The following SBSN variants were observed in gnomAD, a reference collection of about 807,000 sequenced individuals.
The protein encoded by SBSN is suprabasin.
Under a neutral mutation model 42.8 loss-of-function variants are expected in SBSN, and 33 were observed. The observed-to-expected ratio is 0.77, with a 90% CI of 0.58 to 1.03. The LOEUF (loss-of-function observed/expected upper bound fraction) is 1.03. Among genes scored for constraint, SBSN ranks in the 50% least tolerant of loss-of-function variants. The pLI is 0.00. For missense variants in SBSN, 646 were observed against 757.3 expected (o/e 0.85, Z 1.72); for synonymous variants, 276 against 307.0 (o/e 0.90, Z 1.06).
At chr19:35,525,661 C>T (rs192771500) in intron 1 of SBSN, among the ~76,000 whole-genome samples, 332 of 152,156 alleles carry the variant, frequency 2.2e-3, no homozygotes, top group Non-Finnish European at 3.5e-3. Flanking sequence ...CCTCCAGTCT[C>T]TGTTCCCTCT....
Position 35,523,513 on chromosome 19 carries a change from G to A in SBSN, c.1770C>T (p.Pro590=), listed in dbSNP as rs1418993552. Residue 590 remains proline (P), a synonymous_variant, in exon 4 of 4, where the codon CCC becomes CCT. Transcript: ENST00000452271. ...CCCAGCAAGGCCGGATGCCAGTTTA[G>A]GGCATGATGTTGGCGACGCTCTGGA... is the stretch of plus-strand genomic sequence containing the variant. ...ALWRSVANIM[P] is the part of the protein sequence containing the mutation. 3 of 1,614,088 alleles carry A rather than the reference G, an allele frequency of 1.9e-6. No individual in the cohort carries two copies. In the Admixed American group the frequency reaches 5.0e-5, roughly 27 times the overall value.
At position 35,528,177 on chromosome 19, in the gene SBSN, C is replaced by G. The variant is rs763966574; in HGVS notation, c.105G>C (p.Gly35=). 1 of 1,614,100 alleles carries G rather than the reference C, an allele frequency of 6.2e-7. No individual in the cohort carries two copies. Among genetic ancestry groups the G allele is most frequent in the Non-Finnish European group, 8.5e-7 (1 of 1,180,014 alleles). The change falls in exon 1 of 4, where the codon GGG becomes GGC. Residue 35 remains glycine, a synonymous_variant. Transcript: ENST00000452271. The part of the protein sequence containing the change: ...SDDPIEKVIE[G]INRGLSNAER... Reference sequence around the variant, plus strand: ...CTGCATTGCTCAGCCCTCGGTTGATCCCTTCAATGACCTTCTCAATGGGGT... The same window carrying G: ...CTGCATTGCTCAGCCCTCGGTTGATGCCTTCAATGACCTTCTCAATGGGGT...
rs1375896409 is a variant in SBSN at position 35,528,225 on chromosome 19, C to A, written c.57G>T (p.Leu19=). 6.2e-7 allele frequency: 1 copy of A among 1,613,906 alleles called. No homozygotes were observed. The highest frequency in any genetic ancestry group is 2.2e-5 in the East Asian group (1 of 44,864). Residue 19 remains leucine, a synonymous_variant, in exon 1 of 4, where the codon CTG becomes CTT. Transcript: ENST00000452271. ...SCSLLLLLGA[L]SGWAASDDPI... The stretch of plus-strand genomic sequence containing the variant: ...GGTCATCGCTGGCCGCCCATCCAGA[C>A]AGGGCCCCCAGTAGCAGAAGGAGGG...
At position 35,527,023 on chromosome 19, in the gene SBSN, C is replaced by T. The variant is rs1287805916; in HGVS notation, c.1259G>A (p.Gly420Glu). ...HGVSQAGREA[G>E]QFGHDIHHTA... is the part of the protein sequence containing the mutation. ...GTGGTGAATGTCGTGGCCAAACTGC[C>T]CCGCCTCCCTTCCAGCCTGACTAAC... Residue 420 changes from glycine (G) to glutamate (E), a missense_variant, in exon 1 of 4, where the codon GGG becomes GAG. Physicochemically the swap from Gly to Glu is moderately conservative, Grantham distance 98 (BLOSUM62 -2). Transcript: ENST00000452271. 6.5e-6 allele frequency: 10 copies of T among 1,543,232 alleles called. No individual in the cohort carries two copies. Among genetic ancestry groups the T allele is most frequent in the East Asian group, 4.9e-5 (2 of 40,806 alleles).
At chr19:35,526,509 G>A in intron 1 of SBSN, 135 bp downstream of exon 1, 1 of 821,602 alleles carries the variant, frequency 1.2e-6, no homozygotes, top group South Asian at 1.8e-5. Flanking sequence ...GAGGAACCCA[G>A]TGATATAGCT....
Position 35,523,405 on chromosome 19 carries a change from C to G in SBSN, c.*105G>C. On this transcript the variant is annotated 3_prime_UTR_variant, in exon 4 of 4. Transcript: ENST00000452271. Reference sequence around the variant, plus strand: ...TTATTCACAAATCCCAGTACAACCCCCTTCAGGGATTTCAGAAACCTGTCC... The same window carrying G: ...TTATTCACAAATCCCAGTACAACCCGCTTCAGGGATTTCAGAAACCTGTCC... 9.0e-7 allele frequency: 1 copy of G among 1,108,710 alleles called. No homozygotes were observed. The highest frequency in any genetic ancestry group is 1.4e-6 in the Non-Finnish European group (1 of 723,198). The allele number at this position is 1,108,710 out of a possible 1,614,324, so 68.7% of individuals were successfully genotyped here. A position where few individuals can be genotyped will look rare whatever the true frequency, so the allele number is the denominator to read the frequency against.
chr19:35,525,093 G>T (rs1329888108), intron 1 of SBSN, among the ~76,000 whole-genome samples, 169 bp from the exon 2 acceptor site: 1 of 152,148 alleles, frequency 6.6e-6, no homozygotes, highest in African/African-American at 2.4e-5. Context: ...GCCCGTGCTC[G>T]CGTGGGCATT....
At chr19:35,525,239 T>C (rs539708046) in intron 1 of SBSN, among the ~76,000 whole-genome samples, 13 of 152,252 alleles carry the variant, frequency 8.5e-5, no homozygotes, top group African/African-American at 3.1e-4. Flanking sequence ...TAGTTTAACC[T>C]CAGCCCTGAC....
chr19:35,526,330 A>C (rs1294922738), intron 1 of SBSN, among the ~76,000 whole-genome samples: 2 of 151,538 alleles, frequency 1.3e-5, no homozygotes, highest in Non-Finnish European at 2.9e-5. Context: ...CCCATTCCCC[A>C]GGAAGGGCTT....
chr19:35,525,572 C>T lies in SBSN; in HGVS notation c.1639-648G>A, dbSNP rs528133019. 1.1e-4 allele frequency among the ~76,000 whole-genome samples: 16 copies of T among 149,684 alleles called. 1 individual carries two copies. The South Asian group carries it at 2.3e-3, about 22-fold the overall frequency. ...CCTCATGGAGCCTGGAGAGTGAGGG[C>T]GCACAGGAGTCCACCCTCTCCTGCT... On this transcript the variant is annotated intron_variant, in intron 1 of 3. Transcript: ENST00000452271.
At chr19:35,525,063 T>C in intron 1 of SBSN, 139 bp from the exon 2 acceptor site, 1 of 845,406 alleles carries the variant, frequency 1.2e-6, no homozygotes, top group Non-Finnish European at 1.9e-6. Context: ...GCCTCCTCAC[T>C]GTCCAGAAGA....
rs2071397010 is a variant in SBSN at position 35,527,686 on chromosome 19, G to T, written c.596C>A (p.Ala199Asp). The T allele has an allele frequency of 6.6e-7, 1 of 1,507,870 alleles. No individual in the cohort carries two copies. Among genetic ancestry groups the T allele is most frequent in the Non-Finnish European group, 8.8e-7 (1 of 1,131,700 alleles). The allele number at this position is 1,507,870 out of a possible 1,614,324, so 93.4% of individuals were successfully genotyped here. A position where few individuals can be genotyped will look rare whatever the true frequency, so the allele number is the denominator to read the frequency against. ...GQGVHHAAGQ[A>D]GNEAGRFGQG... is the part of the protein sequence containing the mutation. ...GCCAAATCTCCCAGCCTCATTTCCG[G>T]CCTGCCCTGCAGCATGGTGGACTCC... The change falls in exon 1 of 4, where the codon GCC (alanine) becomes GAC (aspartate). Residue 199 changes from alanine (A) to aspartate (D), a missense_variant. Ala to Asp is a moderately radical substitution (Grantham distance 126). Around this residue, in one of 3 missense-constraint regions of SBSN, gnomAD observed 220 missense variants for 334.5 expected, o/e 0.66. Coordinates refer to ENST00000452271, the MANE Select transcript of SBSN (RefSeq NM_001166034.2).
Position 35,527,070 on chromosome 19 carries a change from C to T in SBSN, c.1212G>A (p.Val404=). The change falls in exon 1 of 4, where the codon GTG becomes GTA. Residue 404 remains valine (V), a synonymous_variant. Transcript: ENST00000452271. The part of the protein sequence containing the change: ...ASQVGKEEDR[V]VQGLHHGVSQ... ...TAACGCCATGATGGAGGCCTTGGAC[C>T]ACTCTGTCTTCCTCCTTCCCCACCT... 6.5e-7 allele frequency: 1 copy of T among 1,537,774 alleles called. No homozygotes were observed. The highest frequency in any genetic ancestry group is 2.0e-5 in the Admixed American group (1 of 50,962).
chr19:35,525,760 G>A (rs2071363517), intron 1 of SBSN, among the ~76,000 whole-genome samples: 1 of 152,090 alleles, frequency 6.6e-6, no homozygotes, highest in African/African-American at 2.4e-5. Context: ...TCAGCTCACT[G>A]CAAACTCCGC....
chr19:35,523,989 G>A lies in SBSN; in HGVS notation c.1750-456C>T, dbSNP rs556214580. Reference sequence around the variant, plus strand: ...AGATCAGGAGTTCGAGACCAGCCTGGCCAATATGGTGAAACCCCTGTCTCT... The same window carrying A: ...AGATCAGGAGTTCGAGACCAGCCTGACCAATATGGTGAAACCCCTGTCTCT... On this transcript the variant is annotated intron_variant, in intron 3 of 3. Transcript: ENST00000452271. Among the ~76,000 whole-genome samples the A allele has an allele frequency of 2.0e-4, 30 of 152,304 alleles. No individual in the cohort carries two copies. The East Asian group carries it at 5.6e-3, about 28-fold the overall frequency.
chr19:35,528,307 C>G lies in SBSN; in HGVS notation c.-26G>C, dbSNP rs73928221. On this transcript the variant is annotated 5_prime_UTR_variant, in exon 1 of 4. Coordinates refer to ENST00000452271, the MANE Select transcript of SBSN (RefSeq NM_001166034.2). ...ATTGCTGGGAAGGTCGGGAAGGATG[C>G]AGAGAGGAGCCAGGGAAGCCACGCT... 8,371 of 1,571,038 alleles carry G rather than the reference C, an allele frequency of 5.3e-3. 365 individuals carry two copies. In the African/African-American group the frequency reaches 0.1, roughly 19 times the overall value.
chr19:35,524,598 G>T, intron 3 of SBSN, 113 bp downstream of exon 3: 1 of 1,069,504 alleles, frequency 9.4e-7, no homozygotes, highest in Non-Finnish European at 1.4e-6. Context: ...GGTCTTTGCA[G>T]AGGCTGCAGG....
At position 35,527,097 on chromosome 19, in the gene SBSN, C is replaced by T. The variant is rs750175264; in HGVS notation, c.1185G>A (p.Ser395=). Residue 395 remains serine (S), a synonymous_variant, in exon 1 of 4, where the codon TCG becomes TCA. Coordinates refer to ENST00000452271, the MANE Select transcript of SBSN (RefSeq NM_001166034.2). ...CTCTGTCTTCCTCCTTCCCCACCTG[C>T]GAGGCAGCATGGTGGACACCCTGGC... ...KFGQGVHHAA[S]QVGKEEDRVV... 2.2e-5 allele frequency: 34 copies of T among 1,536,056 alleles called. No individual in the cohort carries two copies. The highest frequency in any genetic ancestry group is 1.7e-4 in the Middle Eastern group (1 of 6,010).
rs774374931 is a variant in SBSN at position 35,526,692 on chromosome 19, A to G, written c.1590T>C (p.Ala530=). 1.9e-6 allele frequency: 3 copies of G among 1,542,884 alleles called. No individual in the cohort carries two copies. The African/African-American group carries it at 4.3e-5, about 22-fold the overall frequency. Residue 530 remains alanine (A), a synonymous_variant, in exon 1 of 4, where the codon GCT becomes GCC. Coordinates refer to ENST00000452271, the MANE Select transcript of SBSN (RefSeq NM_001166034.2). ...AGQAGKELQN[A]HNGVNQASKE... is the part of the protein sequence containing the mutation. ...TGCTGGCTTGGTTGACCCCATTATG[A>G]GCATTCTGCAGCTCCTTCCCGGCCT...
Sources: allele counts gnomAD v4.1 joint callset (sites outside exome capture counted in the v4.1 genomes callset), GRCh38; gene constraint gnomAD v4.1.1; regional missense constraint gnomAD v4.1.1; transcripts MANE v1.5; gene names NCBI Gene and HGNC (gene_info 2026-07-23, HGNC 2026-07-21).